Variants in TAS2R1 observed in about 807,000 individuals in gnomAD.
TAS2R1 encodes taste 2 receptor member 1, also known as taste receptor type 2 member 1.
For synonymous variants in TAS2R1, 141 were observed against 134.2 expected (o/e 1.05, Z -0.35); for missense variants, 370 against 353.4 (o/e 1.05, Z -0.38).
Position 9,629,573 on chromosome 5 carries a change from A to G in TAS2R1, c.460T>C (p.Tyr154His), listed in dbSNP as rs776454718. ...TGGGAGAAAAATTTCCTTAGGAAGT[A>G]TGGGACCATAAACCCTGCATATTTG... ...HSKYAGFMVPYFLRKFFSQNA... is the reference protein window; with the variant it reads ...HSKYAGFMVPHFLRKFFSQNA... The change falls in exon 1 of 1, where the codon TAC becomes CAC. Residue 154 changes from tyrosine to histidine, a missense_variant. Coordinates refer to ENST00000382492, the MANE Select transcript of TAS2R1 (RefSeq NM_019599.3). 1 of 1,614,180 alleles carries G rather than the reference A, an allele frequency of 6.2e-7. No homozygotes were observed. Among genetic ancestry groups the G allele is most frequent in the Admixed American group, 1.7e-5 (1 of 60,016 alleles).
At chr5:9,658,380 T>G (rs909986506) in intron 2 of TAS2R1, 3 of 152,202 alleles carry the variant, frequency 2.0e-5, no homozygotes, top group Non-Finnish European at 2.9e-5. Context: ...AGAATCCATG[T>G]ATATAACTGT....
In TAS2R1 at chr5:9,628,584, A is replaced by G. The variant is rs151255066; in HGVS notation, c.*549T>C. ...CTTGCTTCCTTTGTGATCTGAGGAG[A>G]AAGAATGGCTCCACTGCCTGCAACT... On this transcript the variant is annotated 3_prime_UTR_variant, in exon 1 of 1. Transcript: ENST00000382492. Among the ~76,000 whole-genome samples the G allele has an allele frequency of 7.2e-5, 11 of 152,256 alleles. No individual in the cohort carries two copies. The highest frequency in any genetic ancestry group is 2.6e-4 in the African/African-American group (11 of 41,538).
At chr5:9,898,968 CA>C in the TAS2R1 span, among the ~76,000 whole-genome samples, 1 of 152,182 alleles carries the variant, frequency 6.6e-6, no homozygotes, top group African/African-American at 2.4e-5. Context: ...GGGAAGTGGA[CA>C]TGGAACTGCG....
intron 2 of TAS2R1, among the ~76,000 whole-genome samples, chr5:9,653,121 C>T (rs1372158808): frequency 2.0e-5 from 3 of 152,134 alleles, no homozygotes; most frequent in Admixed American, 6.5e-5. Flanking sequence ...ATACGTTTTC[C>T]GAGTGGAATT....
At chr5:9,729,196 C>A in the TAS2R1 span, among the ~76,000 whole-genome samples, 3 of 152,188 alleles carry the variant, frequency 2.0e-5, no homozygotes, top group Admixed American at 6.5e-5. Flanking sequence ...AGCAGGGGGG[C>A]AGTTTTTGGG....
chr5:9,872,411 T>TA, the TAS2R1 span, among the ~76,000 whole-genome samples: 2 of 152,166 alleles, frequency 1.3e-5, no homozygotes, highest in Admixed American at 6.5e-5. Flanking sequence ...TTTCCCCTTT[T>TA]AAAAAAACCC....
chr5:9,730,175 C>A, the TAS2R1 span, among the ~76,000 whole-genome samples: 8 of 152,134 alleles, frequency 5.3e-5, no homozygotes, highest in African/African-American at 1.9e-4. Flanking sequence ...GATTTTGATG[C>A]AGATGGATTC....
the TAS2R1 span, among the ~76,000 whole-genome samples, chr5:9,742,790 T>A: frequency 6.6e-6 from 1 of 152,170 alleles, no homozygotes; most frequent in African/African-American, 2.4e-5. Flanking sequence ...TAATTCAATG[T>A]CATTCACAAG....
At chr5:9,662,238 G>T (rs990380854) in intron 1 of TAS2R1, among the ~76,000 whole-genome samples, 1 of 152,146 alleles carries the variant, frequency 6.6e-6, no homozygotes, top group Non-Finnish European at 1.5e-5. Flanking sequence ...AGGCACACAC[G>T]GTGGTGGGAA....
the TAS2R1 span, among the ~76,000 whole-genome samples, chr5:9,729,977 G>A: frequency 6.6e-6 from 1 of 152,276 alleles, no homozygotes; most frequent in East Asian, 1.9e-4. Flanking sequence ...GTAGATAAAG[G>A]GGGCAAGAAT....
the TAS2R1 span, among the ~76,000 whole-genome samples, chr5:9,779,521 A>G: frequency 3.3e-5 from 5 of 152,228 alleles, no homozygotes; most frequent in East Asian, 3.8e-4. Context: ...CCTATTTTCA[A>G]TATTATTCTG....
chr5:9,884,067 G>A, the TAS2R1 span: 2 of 152,062 alleles, frequency 1.3e-5, no homozygotes, highest in African/African-American at 4.8e-5. Flanking sequence ...AAATCGGGCT[G>A]AACCCATTCT....
the TAS2R1 span, among the ~76,000 whole-genome samples, chr5:9,896,701 T>A: frequency 2.0e-5 from 3 of 152,250 alleles, no homozygotes; most frequent in African/African-American, 7.2e-5. Flanking sequence ...CCATGCCTGT[T>A]TGGCAATGTT....
the TAS2R1 span, among the ~76,000 whole-genome samples, chr5:9,846,149 G>A: frequency 2.6e-5 from 4 of 152,152 alleles, no homozygotes; most frequent in Admixed American, 1.3e-4. Context: ...AGCTATTTCC[G>A]ATGAAGGGCT....
rs528307609 is a variant in TAS2R1, at chr5:9,645,299, T to C, written c.-81+14122A>G. Among the ~76,000 whole-genome samples the C allele has an allele frequency of 3.3e-4, 51 of 152,286 alleles. 1 individual carries two copies. Among genetic ancestry groups the C allele is most frequent in the African/African-American group, 1.2e-3 (49 of 41,564 alleles). The stretch of plus-strand genomic sequence containing the variant: ...GTTGAGGTGCACTGAGGTCTGGAAA[T>C]TGCCCTCAGTCATGCAGCTAAAAAG... On this transcript the variant is annotated intron_variant, in intron 2 of 2. Transcript: ENST00000506620.
At chr5:9,858,745 G>T in the TAS2R1 span, among the ~76,000 whole-genome samples, 1 of 152,280 alleles carries the variant, frequency 6.6e-6, no homozygotes, top group East Asian at 1.9e-4. Flanking sequence ...TAGACTGAAT[G>T]GTTGTTACAG....
chr5:9,634,538 G>A (rs1430274881), upstream of TAS2R1, among the ~76,000 whole-genome samples: 1 of 152,096 alleles, frequency 6.6e-6, no homozygotes, highest in African/African-American at 2.4e-5. Context: ...GCTTTTGGCA[G>A]TGTGGTCATT....
the TAS2R1 span, among the ~76,000 whole-genome samples, chr5:9,883,613 T>C: frequency 3.3e-5 from 5 of 152,150 alleles, no homozygotes; most frequent in African/African-American, 1.2e-4. Flanking sequence ...AAATTGATTT[T>C]ATCAGTTAGC....
intron 1 of TAS2R1, among the ~76,000 whole-genome samples, chr5:9,687,156 A>G (rs1741140868): frequency 6.6e-6 from 1 of 152,104 alleles, no homozygotes; most frequent in Non-Finnish European, 1.5e-5. Context: ...GTACAAAATT[A>G]GACAGAGTTT....
Sources: gnomAD v4.1 joint callset for allele counts (sites outside exome capture counted in the v4.1 genomes callset) on GRCh38, gnomAD v4.1.1 for gene constraint, MANE v1.5 for transcripts, NCBI Gene and HGNC (gene_info 2026-07-23, HGNC 2026-07-21) for gene names.